The following MECOM variants were observed in gnomAD, a reference collection of about 807,000 sequenced individuals.
MECOM encodes the protein histone-lysine N-methyltransferase MECOM.
In MECOM, 13 loss-of-function variants were observed where a neutral mutation model predicts 116.3. That is an observed-to-expected ratio of 0.11 (90% confidence interval 0.07 to 0.18). MECOM has a LOEUF of 0.18. Ranked by LOEUF, MECOM falls within the 10% of genes least tolerant of loss-of-function variation. MECOM has a pLI of 1.00. For missense variants in MECOM, 1,299 were observed against 1,509.0 expected (o/e 0.86, Z 2.31); for synonymous variants, 528 against 535.2 (o/e 0.99, Z 0.19).
At chr3:169,212,231 G>C (rs536617689) in intron 2 of MECOM, among the ~76,000 whole-genome samples, 1 of 151,930 alleles carries the variant, frequency 6.6e-6, no homozygotes, top group Admixed American at 6.6e-5. Context: ...GCATCTCCAG[G>C]AATACCCCAC....
At chr3:169,200,617 G>A (rs979107316) in intron 2 of MECOM, among the ~76,000 whole-genome samples, 2 of 152,060 alleles carry the variant, frequency 1.3e-5, no homozygotes, top group African/African-American at 4.8e-5. Flanking sequence ...ATCTTAGTTT[G>A]GAGTCTAGGC....
intron 1 of MECOM, among the ~76,000 whole-genome samples, chr3:169,551,337 A>T (rs1213667766): frequency 6.6e-6 from 1 of 151,970 alleles, no homozygotes; most frequent in East Asian, 1.9e-4. Context: ...AAAAGAGAAG[A>T]CAAGTAATAA....
intron 2 of MECOM, among the ~76,000 whole-genome samples, chr3:169,342,558 A>G (rs1004856576): frequency 1.2e-4 from 19 of 152,178 alleles, no homozygotes; most frequent in African/African-American, 4.6e-4. Flanking sequence ...GAACTACTCT[A>G]TATATCAAAC....
intron 2 of MECOM, among the ~76,000 whole-genome samples, chr3:169,300,074 T>C (rs963223410): frequency 1.3e-5 from 2 of 152,206 alleles, no homozygotes; most frequent in African/African-American, 4.8e-5. Flanking sequence ...TGAGCCTAAC[T>C]GAGTGCACTC....
At chr3:169,662,644 G>A (rs1031090898) in intron 1 of MECOM, among the ~76,000 whole-genome samples, 25 of 132,258 alleles carry the variant, frequency 1.9e-4, no homozygotes, top group Admixed American at 1.4e-3. Context: ...CTCCCGCCGC[G>A]CAGCGCCGCG....
At chr3:169,413,975 A>G (rs924976354) in intron 1 of MECOM, among the ~76,000 whole-genome samples, 4 of 152,184 alleles carry the variant, frequency 2.6e-5, no homozygotes, top group African/African-American at 9.7e-5. Context: ...GCAGACTTAA[A>G]TGTTCCTGCC....
chr3:169,217,790 C>CTA (rs1249661298), intron 2 of MECOM, among the ~76,000 whole-genome samples: 3 of 150,284 alleles, frequency 2.0e-5, no homozygotes, highest in Admixed American at 6.7e-5. Context: ...TCTCAAAAAA[C>CTA]TATATATATA....
chr3:169,141,260 G>T (rs746879190), intron 3 of MECOM, among the ~76,000 whole-genome samples: 20 of 151,928 alleles, frequency 1.3e-4, no homozygotes, highest in Non-Finnish European at 2.8e-4. Context: ...AAATTCACTT[G>T]ATAAACTTTA....
intron 2 of MECOM, among the ~76,000 whole-genome samples, chr3:169,376,265 G>T (rs1359455902): frequency 1.3e-5 from 2 of 152,044 alleles, no homozygotes; most frequent in African/African-American, 4.8e-5. Flanking sequence ...TTGAAAACTG[G>T]CACAAGACAA....
At chr3:169,296,343 G>A (rs912158842) in intron 2 of MECOM, among the ~76,000 whole-genome samples, 2 of 152,214 alleles carry the variant, frequency 1.3e-5, no homozygotes, top group Non-Finnish European at 2.9e-5. Context: ...GGAGTGAGAA[G>A]AGCAAGAACG....
chr3:169,227,765 G>GA, intron 2 of MECOM, among the ~76,000 whole-genome samples: 1 of 152,292 alleles, frequency 6.6e-6, no homozygotes, highest in Middle Eastern at 3.4e-3. Context: ...AACAAGATTA[G>GA]AAAAATGACA....
intron 1 of MECOM, among the ~76,000 whole-genome samples, chr3:169,505,039 T>C (rs1023791286): frequency 3.9e-5 from 6 of 152,186 alleles, no homozygotes; most frequent in African/African-American, 1.4e-4. Flanking sequence ...TTCTCTAATA[T>C]AGCAGAGCTC....
At chr3:169,610,557 C>T (rs1316223965) in intron 1 of MECOM, among the ~76,000 whole-genome samples, 1 of 151,286 alleles carries the variant, frequency 6.6e-6, no homozygotes, top group African/African-American at 2.4e-5. Flanking sequence ...AGATGGGATA[C>T]TGAGCACAGA....
intron 2 of MECOM, among the ~76,000 whole-genome samples, chr3:169,374,301 C>T (rs1018183407): frequency 6.6e-6 from 1 of 151,878 alleles, no homozygotes; most frequent in Non-Finnish European, 1.5e-5. Flanking sequence ...AACTTCTAGC[C>T]TCCAGAATTG....
chr3:169,310,453 G>T (rs1718543674), intron 2 of MECOM, among the ~76,000 whole-genome samples: 2 of 152,134 alleles, frequency 1.3e-5, no homozygotes, highest in African/African-American at 4.8e-5. Flanking sequence ...CATCAAACAG[G>T]TTAATCTTTC....
rs1162197460 is a variant in MECOM, at chr3:169,130,740, G to A, written c.613+689C>T. On this transcript the variant is annotated intron_variant, in intron 4 of 16. Coordinates refer to ENST00000651503, the MANE Select transcript of MECOM (RefSeq NM_004991.4). ...TATTCTAAAGATGCCACTAGATTATGTTGAACCAAATCACAGTATACTTGG... is the reference window on the plus strand; with the variant it reads ...TATTCTAAAGATGCCACTAGATTATATTGAACCAAATCACAGTATACTTGG... 9.2e-5 allele frequency among the ~76,000 whole-genome samples: 14 copies of A among 152,024 alleles called. No individual in the cohort carries two copies. The East Asian group carries it at 2.7e-3, about 29-fold the overall frequency.
chr3:169,663,630 C>A lies in MECOM; in HGVS notation c.-258G>T. The stretch of plus-strand genomic sequence containing the variant: ...TCTCCCTCCCTCTCTCCCTTTCTCT[C>A]AATCCACACTCGCTATCTCTCCAGC... On this transcript the variant is annotated 5_prime_UTR_variant, in exon 1 of 17. An upstream open reading frame in the 5' UTR loses its in-frame stop. Transcript: ENST00000651503. 1.8e-6 allele frequency: 1 copy of A among 564,700 alleles called. No homozygotes were observed. Among genetic ancestry groups the A allele is most frequent in the South Asian group, 2.3e-5 (1 of 42,768 alleles). 35.0% of individuals were successfully genotyped at this position (564,700 alleles called of 1,614,324 possible).
chr3:169,145,166 A>G, intron 2 of MECOM: 1 of 491,814 alleles, frequency 2.0e-6, no homozygotes, highest in Non-Finnish European at 3.4e-6. Context: ...ACACACACAC[A>G]CACACACACA....
At chr3:169,503,868 C>CTAG (rs1754856814) in intron 1 of MECOM, among the ~76,000 whole-genome samples, 2 of 152,086 alleles carry the variant, frequency 1.3e-5, no homozygotes, top group African/African-American at 4.8e-5. Context: ...AAAGCATCAT[C>CTAG]TAGTAGCACT....
Sources: gnomAD v4.1 joint callset for allele counts (sites outside exome capture counted in the v4.1 genomes callset) on GRCh38, gnomAD v4.1.1 for gene constraint, MANE v1.5 for transcripts, NCBI Gene and HGNC (gene_info 2026-07-23, HGNC 2026-07-21) for gene names.